The following ANK3 variants were observed in gnomAD, a reference collection of about 807,000 sequenced individuals.
ANK3 encodes ankyrin 3, also known as ankyrin-3.
In ANK3, 57 loss-of-function variants were observed where a neutral mutation model predicts 370.9. The ratio of observed to expected loss-of-function variants is 0.15; its 90% CI spans 0.12 to 0.19. The LOEUF (loss-of-function observed/expected upper bound fraction) is 0.19, where lower values mean the gene tolerates loss of function less well. Ranked by LOEUF, ANK3 falls within the 10% of genes least tolerant of loss-of-function variation. ANK3 has a pLI of 1.00. For missense variants in ANK3, 4,439 were observed against 5,302.1 expected (o/e 0.84, Z 5.06); for synonymous variants, 1,929 against 1,946.3 (o/e 0.99, Z 0.23).
At chr10:60,409,309 A>G (rs965585300) in intron 2 of ANK3, among the ~76,000 whole-genome samples, 1 of 152,196 alleles carries the variant, frequency 6.6e-6, no homozygotes, top group Non-Finnish European at 1.5e-5. Context: ...AATAGCATTA[A>G]TTTCACCTTT....
At chr10:60,051,372 G>A (rs1386046165) in intron 42 of ANK3, 1 of 424,970 alleles carries the variant, frequency 2.4e-6, no homozygotes, top group Non-Finnish European at 3.2e-6. Flanking sequence ...TCATTATCAA[G>A]CATGCTGAAA....
chr10:60,674,510 CAT>C (rs1484709444), intron 1 of ANK3, among the ~76,000 whole-genome samples: 1 of 152,106 alleles, frequency 6.6e-6, no homozygotes, highest in Non-Finnish European at 1.5e-5. Context: ...CATTCATTAC[CAT>C]GGGGAGGACA....
chr10:60,616,444 T>A (rs998903695), intron 1 of ANK3, among the ~76,000 whole-genome samples: 1 of 152,160 alleles, frequency 6.6e-6, no homozygotes, highest in Non-Finnish European at 1.5e-5. Context: ...ATACAGTGTT[T>A]TAAACAAGAT....
At chr10:60,198,627 T>A in intron 13 of ANK3, 90 bp from the exon 14 acceptor site, 1 of 1,193,030 alleles carries the variant, frequency 8.4e-7, no homozygotes, top group Non-Finnish European at 1.2e-6. Context: ...CTGCTTGATG[T>A]AAGAGGTACA....
chr10:60,678,210 G>A (rs1165155454), intron 1 of ANK3, among the ~76,000 whole-genome samples: 1 of 152,148 alleles, frequency 6.6e-6, no homozygotes, highest in East Asian at 1.9e-4. Flanking sequence ...ATTTATTAAG[G>A]TTGCAGAATC....
intron 25 of ANK3, among the ~76,000 whole-genome samples, chr10:60,132,622 A>ATTTTT (rs113211840): frequency 6.9e-6 from 1 of 144,712 alleles, no homozygotes; most frequent in Non-Finnish European, 1.5e-5. Context: ...CCTATAATCA[A>ATTTTT]TTTTTTTTTT....
chr10:60,505,032 C>A lies in ANK3; in HGVS notation c.96+110154G>T, dbSNP rs180782407. 3.7e-4 allele frequency among the ~76,000 whole-genome samples: 57 copies of A among 152,104 alleles called. No homozygotes were observed. The East Asian group carries it at 0.01, about 27-fold the overall frequency. On this transcript the variant is annotated intron_variant, in intron 2 of 43. Coordinates refer to the ANK3 transcript ENST00000373827. ...TAAAAAAAACTCCCTTTTTTAGACA[C>A]GTATATGAAGCATTTAAAAGCAAAT...
chr10:60,322,930 A>C (rs912269331), intron 1 of ANK3, among the ~76,000 whole-genome samples: 15 of 152,160 alleles, frequency 9.9e-5, no homozygotes, highest in Admixed American at 7.9e-4. Context: ...TGAGACAGGC[A>C]AGACTATGGG....
At chr10:60,684,241 C>G (rs1485550727) in intron 1 of ANK3, among the ~76,000 whole-genome samples, 4 of 152,170 alleles carry the variant, frequency 2.6e-5, no homozygotes, top group Non-Finnish European at 5.9e-5. Context: ...GGGGTGGGGT[C>G]TGTTGCGTGG....
chr10:60,526,980 CAT>C (rs1235431989), intron 2 of ANK3, among the ~76,000 whole-genome samples: 6 of 152,052 alleles, frequency 3.9e-5, no homozygotes, highest in Non-Finnish European at 8.8e-5. Flanking sequence ...TACACACACA[CAT>C]ACATACACGT....
At chr10:60,040,801 G>A (rs1210992333) in intron 43 of ANK3, among the ~76,000 whole-genome samples, 1 of 152,110 alleles carries the variant, frequency 6.6e-6, no homozygotes, top group Non-Finnish European at 1.5e-5. Context: ...CTAGGAGCCT[G>A]AGAATATGAT....
intron 1 of ANK3, among the ~76,000 whole-genome samples, chr10:60,628,776 T>C (rs539482510): frequency 4.8e-4 from 73 of 152,314 alleles, no homozygotes; most frequent in African/African-American, 1.6e-3. Flanking sequence ...TGGATCTAAT[T>C]TGCTGACTTG....
At position 60,451,731 on chromosome 10, in the gene ANK3, C is replaced by T. The variant is rs145138033; in HGVS notation, c.96+163455G>A. Among the ~76,000 whole-genome samples the T allele has an allele frequency of 5.6e-3, 859 of 152,322 alleles. 11 individuals are homozygous for T. The highest frequency in any genetic ancestry group is 7.7e-3 in the Non-Finnish European group (526 of 68,032). Reference sequence around the variant, plus strand: ...ATTATGGTAGTGCTGGGCCTCTGGGCAGCTCCAAATGTGGTTGTCTTTGGG... The same window carrying T: ...ATTATGGTAGTGCTGGGCCTCTGGGTAGCTCCAAATGTGGTTGTCTTTGGG... On this transcript the variant is annotated intron_variant, in intron 2 of 43. Transcript: ENST00000373827.
intron 1 of ANK3, among the ~76,000 whole-genome samples, chr10:60,626,287 T>C (rs774074710): frequency 6.6e-6 from 1 of 152,140 alleles, no homozygotes; most frequent in Non-Finnish European, 1.5e-5. Context: ...TTTTAAGACA[T>C]TTTAAAAAAC....
chr10:60,481,369 T>A lies in ANK3; in HGVS notation c.96+133817A>T, dbSNP rs185849477. Among the ~76,000 whole-genome samples, 17 of 152,296 alleles carry A rather than the reference T, an allele frequency of 1.1e-4. No homozygotes were observed. The East Asian group carries it at 3.1e-3, about 28-fold the overall frequency. ...TGCCAGCATGACTAATATCCAGGCC[T>A]TTAGCCAAAGCCAGCCTTACATTCT... On this transcript the variant is annotated intron_variant, in intron 2 of 43. Coordinates refer to the ANK3 transcript ENST00000373827.
At chr10:60,173,906 A>G in intron 18 of ANK3, among the ~76,000 whole-genome samples, 1 of 152,112 alleles carries the variant, frequency 6.6e-6, no homozygotes, top group South Asian at 2.1e-4. Context: ...CAATCTAGAT[A>G]ATTATTTTCT....
chr10:60,160,583 C>G (rs2095473100), intron 23 of ANK3, among the ~76,000 whole-genome samples: 1 of 152,036 alleles, frequency 6.6e-6, no homozygotes, highest in African/African-American at 2.4e-5. Context: ...CAAAACCAGA[C>G]AAAGACACAC....
intron 2 of ANK3, among the ~76,000 whole-genome samples, chr10:60,419,594 A>G (rs2063737529): frequency 6.6e-6 from 1 of 152,324 alleles, no homozygotes; most frequent in Non-Finnish European, 1.5e-5. Context: ...CAAGAATGTC[A>G]GAAGCAAAGT....
chr10:60,226,481 ATATATATACATATACTAT>A (rs2097148379), intron 8 of ANK3, among the ~76,000 whole-genome samples: 1 of 73,184 alleles, frequency 1.4e-5, no homozygotes, highest in African/African-American at 1.1e-4. Flanking sequence ...TATATATACT[ATATATATACATATACTAT>A]AGTATATATA....
Sources: gnomAD v4.1 joint callset for allele counts (sites outside exome capture counted in the v4.1 genomes callset) on GRCh38, gnomAD v4.1.1 for gene constraint, MANE v1.5 for transcripts, NCBI Gene and HGNC (gene_info 2026-07-23, HGNC 2026-07-21) for gene names.